The following CUBN variants were observed in gnomAD, a reference collection of about 807,000 sequenced individuals.
CUBN encodes the protein 460 kDa receptor.
CUBN carries 282 observed loss-of-function variants against 405.3 expected under a neutral mutation model. The ratio of observed to expected loss-of-function variants is 0.70; its 90% CI spans 0.63 to 0.77. CUBN has a LOEUF of 0.77. Among genes scored for constraint, CUBN ranks in the 30% least tolerant of loss-of-function variants. The pLI is 0.00. For synonymous variants in CUBN, 1,684 were observed against 1,617.0 expected, an observed-to-expected ratio of 1.04 and a Z score of -0.99; for missense variants, 4,514 against 4,475.2, an observed-to-expected ratio of 1.01 and a Z score of -0.25.
At chr10:16,870,998 A>T (rs1024278756) in intron 58 of CUBN, among the ~76,000 whole-genome samples, 9 of 151,576 alleles carry the variant, frequency 5.9e-5, no homozygotes, top group Non-Finnish European at 1.5e-5. Flanking sequence ...AATATTTGAT[A>T]TCCTGTCCTC....
Position 16,873,317 on chromosome 10 carries a change from T to C in CUBN, c.9236+1057A>G, listed in dbSNP as rs369501240. ...TTGCCCTCATCAGTCTTGTTGGGAA[T>C]AGGTAAGACTGGGAAGAAAATTGAC... On this transcript the variant is annotated intron_variant, in intron 58 of 66. Transcript: ENST00000377833. Among the ~76,000 whole-genome samples, 3 of 152,174 alleles carry C rather than the reference T, an allele frequency of 2.0e-5. No homozygotes were observed. In the East Asian group the frequency reaches 5.8e-4, roughly 29 times the overall value.
chr10:16,861,417 C>A (rs559480694), intron 59 of CUBN, among the ~76,000 whole-genome samples: 1 of 152,066 alleles, frequency 6.6e-6, no homozygotes, highest in Non-Finnish European at 1.5e-5. Context: ...CCCGCCTCAG[C>A]CTCCCAAGCG....
rs1442509911 is a variant in CUBN at position 17,047,519 on chromosome 10, A to G, written c.3224T>C (p.Ile1075Thr). Residue 1075 changes from isoleucine to threonine, a missense_variant, in exon 23 of 67, where the codon ATT becomes ACT. Physicochemically the swap from Ile to Thr is moderately conservative, Grantham distance 89. Coordinates refer to ENST00000377833, the MANE Select transcript of CUBN (RefSeq NM_001081.4). ...GCCAGTTCTCACTGTGATCCGATAA[A>G]TGCATTCCCAGTTGTTGGGATAATT... ...PNNYPNNWECIYRITVRTGQL... is the reference protein window; with the variant it reads ...PNNYPNNWECTYRITVRTGQL... The G allele has an allele frequency of 6.2e-7, 1 of 1,613,986 alleles. No individual in the cohort carries two copies.
At chr10:16,916,185 G>A (rs548289141) in intron 45 of CUBN, among the ~76,000 whole-genome samples, 155 bp from the exon 46 acceptor site, 33 of 152,256 alleles carry the variant, frequency 2.2e-4, no homozygotes, top group African/African-American at 7.7e-4. Context: ...TTCTGAAAAC[G>A]GTTAGTGCTT....
chr10:17,013,807 A>C (rs191749643), intron 28 of CUBN, among the ~76,000 whole-genome samples: 1 of 152,218 alleles, frequency 6.6e-6, no homozygotes, highest in African/African-American at 2.4e-5. Flanking sequence ...GTATGGTTAC[A>C]TCACTAACTA....
intron 27 of CUBN, among the ~76,000 whole-genome samples, chr10:17,034,102 T>C (rs1834838553): frequency 6.6e-6 from 1 of 152,160 alleles, no homozygotes; most frequent in African/African-American, 2.4e-5. Flanking sequence ...GAAATGCATG[T>C]TATAAAGACT....
intron 60 of CUBN, among the ~76,000 whole-genome samples, chr10:16,846,827 A>G (rs1265295014): frequency 2.0e-5 from 1 of 50,564 alleles, no homozygotes; most frequent in African/African-American, 3.4e-5. Context: ...AAAAAAAAAG[A>G]AAAGAAAAAG....
Position 17,068,178 on chromosome 10 carries a change from T to C in CUBN, c.2894A>G (p.Gln965Arg), listed in dbSNP as rs147955566. The C allele has an allele frequency of 3.8e-5, 61 of 1,613,752 alleles. No individual in the cohort carries two copies. The East Asian group carries it at 9.6e-4, about 25-fold the overall frequency. Residue 965 changes from glutamine to arginine, a missense_variant, in exon 21 of 67, where the codon CAA becomes CGA. By Grantham distance (43) the Gln-to-Arg change is conservative. Coordinates refer to ENST00000377833, the MANE Select transcript of CUBN (RefSeq NM_001081.4). The stretch of plus-strand genomic sequence containing the variant: ...CATTAAATGAATCAGGTGATTAGGT[T>C]GGACTAATATATGCCAAGTACAGTT... ...GINCTWHILV[Q>R]PNHLIHLMFE...
chr10:16,932,096 G>C (rs1842378855), intron 40 of CUBN, among the ~76,000 whole-genome samples: 1 of 152,084 alleles, frequency 6.6e-6, no homozygotes, highest in Non-Finnish European at 1.5e-5. Flanking sequence ...GAAAAAGGGG[G>C]AGTGTCATGC....
intron 43 of CUBN, among the ~76,000 whole-genome samples, chr10:16,921,914 A>C (rs1252193789): frequency 6.6e-6 from 1 of 152,122 alleles, no homozygotes; most frequent in Admixed American, 6.5e-5. Flanking sequence ...AGAGATTTCA[A>C]ACTGAACTTG....
At chr10:16,968,190 T>G (rs533501576) in intron 31 of CUBN, among the ~76,000 whole-genome samples, 39 of 152,322 alleles carry the variant, frequency 2.6e-4, no homozygotes, top group African/African-American at 8.2e-4. Context: ...AGGAAACACA[T>G]CATGGGTGGT....
At chr10:16,966,601 A>G (rs980261931) in intron 31 of CUBN, among the ~76,000 whole-genome samples, 1 of 152,178 alleles carries the variant, frequency 6.6e-6, no homozygotes. Context: ...GGCATGCACC[A>G]GTACACCCAG....
chr10:17,023,669 T>C (rs1834570310), intron 27 of CUBN: 1 of 454,502 alleles, frequency 2.2e-6, no homozygotes, highest in Non-Finnish European at 4.4e-6. Context: ...GGAGTGGCCC[T>C]GCTTTTAGAG....
intron 65 of CUBN, among the ~76,000 whole-genome samples, chr10:16,830,312 T>C (rs1324234479): frequency 6.6e-6 from 1 of 152,230 alleles, no homozygotes; most frequent in Non-Finnish European, 1.5e-5. Flanking sequence ...CAAGATTCCA[T>C]TACCCACGAT....
intron 60 of CUBN, among the ~76,000 whole-genome samples, chr10:16,846,586 T>C (rs1032098129): frequency 1.3e-5 from 2 of 151,500 alleles, no homozygotes; most frequent in African/African-American, 4.8e-5. Context: ...CCAAGGTAGG[T>C]GGATCACCTA....
At chr10:17,129,472 A>G (rs897832717) in intron 1 of CUBN, among the ~76,000 whole-genome samples, 172 bp downstream of exon 1, 2 of 152,150 alleles carry the variant, frequency 1.3e-5, no homozygotes, top group African/African-American at 4.8e-5. Flanking sequence ...GACAGATAAT[A>G]ATTTGTGCAT....
intron 54 of CUBN, among the ~76,000 whole-genome samples, chr10:16,897,488 T>A (rs1300819549): frequency 6.6e-6 from 1 of 152,068 alleles, no homozygotes; most frequent in Non-Finnish European, 1.5e-5. Context: ...GCAAAGGGTA[T>A]AGTAATTTTC....
At chr10:17,063,242 G>A (rs559302503) in intron 22 of CUBN, among the ~76,000 whole-genome samples, 13 of 152,258 alleles carry the variant, frequency 8.5e-5, no homozygotes, top group South Asian at 2.1e-4. Context: ...CCTGGATCTC[G>A]TCATCTGATT....
chr10:17,124,522 G>C (rs763996812), intron 4 of CUBN, among the ~76,000 whole-genome samples: 1 of 151,198 alleles, frequency 6.6e-6, no homozygotes, highest in South Asian at 2.1e-4. Context: ...GCTGCCTCCT[G>C]GGTCCATGCC....
Sources: gnomAD v4.1 joint callset for allele counts (sites outside exome capture counted in the v4.1 genomes callset) on GRCh38, gnomAD v4.1.1 for gene constraint, MANE v1.5 for transcripts, NCBI Gene and HGNC (gene_info 2026-07-23, HGNC 2026-07-21) for gene names.